BFSP2: variants seen among roughly 807,000 people sequenced by gnomAD.
BFSP2 encodes the protein beaded filament structural protein 2, also known as phakinin.
A neutral mutation model predicts 44.9 loss-of-function variants in BFSP2; 38 were observed. The ratio of observed to expected loss-of-function variants is 0.85; its 90% CI spans 0.65 to 1.11. The LOEUF is 1.11. BFSP2 is among the 50% of genes least tolerant of loss of function. The pLI is 0.00. For synonymous variants in BFSP2, 197 were observed against 209.9 expected (o/e 0.94, Z 0.53); for missense variants, 525 against 533.0 (o/e 0.99, Z 0.15).
intron 5 of BFSP2, among the ~76,000 whole-genome samples, chr3:133,471,886 T>C (rs1415376748): frequency 6.6e-6 from 1 of 152,068 alleles, no homozygotes; most frequent in African/African-American, 2.4e-5. Flanking sequence ...TCCAGCCAAA[T>C]GATGGATGGG....
chr3:133,451,294 T>C (rs1221597575), intron 4 of BFSP2, among the ~76,000 whole-genome samples: 2 of 151,686 alleles, frequency 1.3e-5, no homozygotes, highest in African/African-American at 4.8e-5. Flanking sequence ...ATGAAGCATT[T>C]ATAAAATAGG....
chr3:133,427,185 G>A (rs2073662138), intron 1 of BFSP2, among the ~76,000 whole-genome samples: 1 of 152,174 alleles, frequency 6.6e-6, no homozygotes. Context: ...CTCCAAGATG[G>A]TGCCCTTCTA....
At chr3:133,415,669 T>G (rs1359551944) in intron 1 of BFSP2, among the ~76,000 whole-genome samples, 1 of 116,240 alleles carries the variant, frequency 8.6e-6, no homozygotes, top group Non-Finnish European at 1.7e-5. Flanking sequence ...TACTCACACC[T>G]GCCATTTCCC....
intron 5 of BFSP2, among the ~76,000 whole-genome samples, chr3:133,471,618 G>A (rs2074162297): frequency 6.6e-6 from 1 of 152,148 alleles, no homozygotes; most frequent in Non-Finnish European, 1.5e-5. Flanking sequence ...AACGCAGGAC[G>A]TGGCCTGGAG....
At chr3:133,402,098 T>G (rs1195971716) in intron 1 of BFSP2, among the ~76,000 whole-genome samples, 3 of 152,180 alleles carry the variant, frequency 2.0e-5, no homozygotes, top group Non-Finnish European at 2.9e-5. Flanking sequence ...TTCCAAATAT[T>G]GTGCCATAAC....
chr3:133,458,625 G>A (rs900533071), intron 4 of BFSP2, among the ~76,000 whole-genome samples: 1 of 152,174 alleles, frequency 6.6e-6, no homozygotes, highest in African/African-American at 2.4e-5. Context: ...AACCCAGGAG[G>A]TGGAGGATTG....
chr3:133,467,363 C>T (rs915259550), intron 5 of BFSP2, among the ~76,000 whole-genome samples: 1 of 152,232 alleles, frequency 6.6e-6, no homozygotes. Context: ...TTTGCTTCAA[C>T]ATGGAGCTAG....
intron 1 of BFSP2, among the ~76,000 whole-genome samples, chr3:133,426,029 G>C (rs1371704982): frequency 7.0e-6 from 1 of 143,368 alleles, no homozygotes; most frequent in African/African-American, 2.6e-5. Flanking sequence ...GAAGGGAAGG[G>C]AAGGGAAGGG....
chr3:133,424,226 T>A (rs866313677), intron 1 of BFSP2, among the ~76,000 whole-genome samples: 3 of 128,956 alleles, frequency 2.3e-5, no homozygotes, highest in African/African-American at 1.0e-4. Flanking sequence ...TTTTTTTTTT[T>A]TTTTTTTTTT....
In BFSP2 at chr3:133,446,946, A is replaced by C. The variant is rs550993154; in HGVS notation, c.490-371A>C. Among the ~76,000 whole-genome samples, 11 of 151,862 alleles carry C rather than the reference A, an allele frequency of 7.2e-5. No homozygotes were observed. The East Asian group carries it at 2.0e-3, about 27-fold the overall frequency. ...CACCAGCCTTCCAAAGGCATCCATG[A>C]CCAGAAATTTTAAGAGCTGCTAGGC... On this transcript the variant is annotated intron_variant, in intron 1 of 6. Coordinates refer to ENST00000302334, the MANE Select transcript of BFSP2 (RefSeq NM_003571.4).
At chr3:133,464,041 C>CT (rs1429518482) in intron 4 of BFSP2, among the ~76,000 whole-genome samples, 2 of 152,212 alleles carry the variant, frequency 1.3e-5, no homozygotes, top group Non-Finnish European at 2.9e-5. Flanking sequence ...CCGCCACCCT[C>CT]TGTAGCTACA....
intron 1 of BFSP2, among the ~76,000 whole-genome samples, chr3:133,436,004 T>A (rs1479938999): frequency 6.6e-6 from 1 of 152,204 alleles, no homozygotes; most frequent in Non-Finnish European, 1.5e-5. Flanking sequence ...GTGCCTCTTA[T>A]ATCTGATTCT....
intron 4 of BFSP2, among the ~76,000 whole-genome samples, chr3:133,461,803 C>T (rs2074066204): frequency 6.6e-6 from 1 of 152,180 alleles, no homozygotes; most frequent in African/African-American, 2.4e-5. Flanking sequence ...CATTCTTTTG[C>T]TCTTTCAATC....
At chr3:133,447,150 C>T (rs1208850121) in intron 1 of BFSP2, among the ~76,000 whole-genome samples, 167 bp from the exon 2 acceptor site, 10 of 152,200 alleles carry the variant, frequency 6.6e-5, no homozygotes, top group Admixed American at 4.6e-4. Context: ...TATCCCCCCA[C>T]CCTGACCATT....
At chr3:133,446,425 A>T (rs893409880) in intron 1 of BFSP2, among the ~76,000 whole-genome samples, 1 of 151,234 alleles carries the variant, frequency 6.6e-6, no homozygotes, top group African/African-American at 2.4e-5. Flanking sequence ...TGTCTCAAAG[A>T]AAAAACAAAA....
chr3:133,404,198 G>A (rs991621005), intron 1 of BFSP2, among the ~76,000 whole-genome samples: 10 of 152,188 alleles, frequency 6.6e-5, no homozygotes, highest in South Asian at 2.1e-4. Flanking sequence ...ATGAGGCACC[G>A]TGCCCAGCCA....
chr3:133,431,239 A>T (rs1160037888), intron 1 of BFSP2, among the ~76,000 whole-genome samples: 1 of 152,208 alleles, frequency 6.6e-6, no homozygotes, highest in Non-Finnish European at 1.5e-5. Context: ...AACAGGATTT[A>T]ATTAACCTCG....
intron 1 of BFSP2, among the ~76,000 whole-genome samples, chr3:133,446,881 A>G (rs559302091): frequency 1.3e-5 from 2 of 151,580 alleles, no homozygotes; most frequent in African/African-American, 2.4e-5. Flanking sequence ...GAGCATTTCC[A>G]CCGTCACAGG....
intron 1 of BFSP2, among the ~76,000 whole-genome samples, chr3:133,427,604 G>A (rs758504305): frequency 2.6e-5 from 4 of 152,222 alleles, no homozygotes; most frequent in African/African-American, 4.8e-5. Context: ...GGAGAATGGG[G>A]TGGCATTTCA....
Sources: allele counts gnomAD v4.1 joint callset (sites outside exome capture counted in the v4.1 genomes callset), GRCh38; gene constraint gnomAD v4.1.1; transcripts MANE v1.5; gene names NCBI Gene and HGNC (gene_info 2026-07-23, HGNC 2026-07-21).